The following CRB3 variants were observed in gnomAD, a reference collection of about 807,000 sequenced individuals.
The protein encoded by CRB3 is protein crumbs homolog 3.
Under a neutral mutation model 10.4 loss-of-function variants are expected in CRB3, and 4 were observed. The observed-to-expected ratio is 0.39, with a 90% CI of 0.19 to 0.88. The LOEUF is 0.88. Ranked by LOEUF, CRB3 falls within the 40% of genes least tolerant of loss-of-function variation. The pLI is 0.39. For synonymous variants in CRB3, 74 were observed against 73.4 expected (o/e 1.01, Z -0.04); for missense variants, 154 against 160.2 (o/e 0.96, Z 0.21).
chr19:6,467,090 G>T lies in CRB3; in HGVS notation c.*418G>T. ...TTGGGGAAAGGCAGTGCCCTCTCTG[G>T]GCAGTCAGATCCACCCAGTGCTTAA... On this transcript the variant is annotated 3_prime_UTR_variant, in exon 4 of 4. Transcript: ENST00000600229. The T allele has an allele frequency of 6.9e-7, 1 of 1,442,100 alleles. No homozygotes were observed. The highest frequency in any genetic ancestry group is 1.4e-5 in the African/African-American group (1 of 71,514). The allele number at this position is 1,442,100 out of a possible 1,614,324, so 89.3% of individuals were successfully genotyped here.
chr19:6,465,661 A>G, intron 3 of CRB3, 43 bp downstream of exon 3: 1 of 1,490,354 alleles, frequency 6.7e-7, no homozygotes, highest in Non-Finnish European at 9.4e-7. Flanking sequence ...CAAGGATGTT[A>G]TCTAGGGGTC....
intron 3 of CRB3, 129 bp downstream of exon 3, chr19:6,465,747 C>G: frequency 1.3e-6 from 1 of 798,852 alleles, no homozygotes; most frequent in East Asian, 2.4e-5. Flanking sequence ...TTGGAGAGCT[C>G]TAAGTAGGAG....
chr19:6,466,716 G>C lies in CRB3; in HGVS notation c.*44G>C. On this transcript the variant is annotated 3_prime_UTR_variant, in exon 4 of 4. Transcript: ENST00000600229. This position sits in a 1 kb window ranked among gnomAD's most constrained non-coding sequence, Gnocchi z 4.9. ...GCCACCAACACTGCCCAGGACTGCG[G>C]GTTGCTGGCTTGTACACCGCAGCTG... The C allele has an allele frequency of 6.3e-7, 1 of 1,583,460 alleles. No individual in the cohort carries two copies. The highest frequency in any genetic ancestry group is 8.5e-7 in the Non-Finnish European group (1 of 1,172,056).
In CRB3 at chr19:6,464,633, C is replaced by G; in HGVS notation, c.-69C>G. 1.0e-6 allele frequency: 1 copy of G among 999,208 alleles called. No homozygotes were observed. Among genetic ancestry groups the G allele is most frequent in the African/African-American group, 1.7e-5 (1 of 60,062 alleles). 61.9% of individuals were successfully genotyped at this position (999,208 alleles called of 1,614,324 possible). ...GTGCCCCGTCGCAGGTGCCCCTGGCCGGAGATGCGGTAGGAGGGGCGAGCG... is the reference window on the plus strand; with the variant it reads ...GTGCCCCGTCGCAGGTGCCCCTGGCGGGAGATGCGGTAGGAGGGGCGAGCG... On this transcript the variant is annotated 5_prime_UTR_variant, in exon 2 of 4. Transcript: ENST00000600229. This position sits in a 1 kb window ranked among gnomAD's most constrained non-coding sequence, Gnocchi z 5.3.
Position 6,464,649 on chromosome 19 carries a change from G to A in CRB3, c.-53G>A, listed in dbSNP as rs931480818. On this transcript the variant is annotated 5_prime_UTR_variant, in exon 2 of 4. Transcript: ENST00000600229. The surrounding 1 kb of genome is among the most constrained non-coding windows in gnomAD (Gnocchi z 5.3). ...GCCCCTGGCCGGAGATGCGGTAGGA[G>A]GGGCGAGCGCGAGAAGCCCCTTCCT... 9.9e-6 allele frequency: 11 copies of A among 1,114,742 alleles called. No individual in the cohort carries two copies. The highest frequency in any genetic ancestry group is 1.1e-5 in the Non-Finnish European group (10 of 881,168). The allele number at this position is 1,114,742 out of a possible 1,614,324, so 69.1% of individuals were successfully genotyped here. A position where few individuals can be genotyped will look rare whatever the true frequency, so the allele number is the denominator to read the frequency against.
chr19:6,463,939 G>C (rs2092783299), upstream of CRB3: 1 of 152,136 alleles, frequency 6.6e-6, no homozygotes, highest in African/African-American at 2.4e-5. Context: ...CTCATTAAGC[G>C]CTCCCCATCC....
In CRB3 at chr19:6,466,279, C is replaced by T. The variant is rs987185624; in HGVS notation, c.157-187C>T. ...GACATGGCAGGTGGTGGGGAGCCTTCGCACCCCAGACAAGGTAGGTAGGGA... is the reference window on the plus strand; with the variant it reads ...GACATGGCAGGTGGTGGGGAGCCTTTGCACCCCAGACAAGGTAGGTAGGGA... On this transcript the variant is annotated intron_variant, in intron 3 of 3. Coordinates refer to ENST00000600229, the MANE Select transcript of CRB3 (RefSeq NM_139161.5). The surrounding 1 kb of genome is among the most constrained non-coding windows in gnomAD (Gnocchi z 4.9). 8.6e-5 allele frequency among the ~76,000 whole-genome samples: 13 copies of T among 151,396 alleles called. No homozygotes were observed. The highest frequency in any genetic ancestry group is 1.9e-4 in the African/African-American group (8 of 41,204).
chr19:6,464,508 G>T lies in CRB3; in HGVS notation c.-94-100G>T. On this transcript the variant is annotated intron_variant, in intron 1 of 3. Coordinates refer to ENST00000600229, the MANE Select transcript of CRB3 (RefSeq NM_139161.5). This position sits in a 1 kb window ranked among gnomAD's most constrained non-coding sequence, Gnocchi z 5.3. Reference sequence around the variant, plus strand: ...ACCTCTGGCGGCTGGGGCGGGGCGGGACTCATGGGTGCCCTGGCGCCAGTT... The same window carrying T: ...ACCTCTGGCGGCTGGGGCGGGGCGGTACTCATGGGTGCCCTGGCGCCAGTT... The T allele has an allele frequency of 2.5e-6, 1 of 395,286 alleles. No individual in the cohort carries two copies. Among genetic ancestry groups the T allele is most frequent in the Non-Finnish European group, 4.5e-6 (1 of 224,644 alleles). The allele number at this position is 395,286 out of a possible 1,614,324, so 24.5% of individuals were successfully genotyped here.
rs368299907 is a variant in CRB3, at chr19:6,466,438, G to A, written c.157-28G>A. 2.6e-5 allele frequency: 41 copies of A among 1,606,718 alleles called. No homozygotes were observed. In the African/African-American group the frequency reaches 4.4e-4, roughly 17 times the overall value. ...AGGTGGACAGGCTACCCAGGCTCAG[G>A]TGATTCACACCTGTCCCCTCTCTGC... On this transcript the variant is annotated intron_variant, in intron 3 of 3. Coordinates refer to ENST00000600229, the MANE Select transcript of CRB3 (RefSeq NM_139161.5). This position sits in a 1 kb window ranked among gnomAD's most constrained non-coding sequence, Gnocchi z 4.9.
upstream of CRB3, chr19:6,464,240 G>A (rs1019305986): frequency 1.3e-5 from 2 of 154,586 alleles, no homozygotes; most frequent in Non-Finnish European, 1.4e-5. This position sits in a 1 kb window ranked among gnomAD's most constrained non-coding sequence, Gnocchi z 5.3. Context: ...TCCGGGTCAC[G>A]TGACAGGGCG....
At position 6,464,813 on chromosome 19, in the gene CRB3, AG is replaced by A; in HGVS notation, c.82+34del. On this transcript the variant is annotated intron_variant, in intron 2 of 3. Coordinates refer to ENST00000600229, the MANE Select transcript of CRB3 (RefSeq NM_139161.5). The surrounding 1 kb of genome is among the most constrained non-coding windows in gnomAD (Gnocchi z 5.3). ...GTACCAGCTGAGAGCGCTGGGGGGG[AG>A]GGGTCTGGATTCCTGGATCTCTGCT... The A allele has an allele frequency of 1.7e-6, 2 of 1,200,672 alleles. No individual in the cohort carries two copies. Among genetic ancestry groups the A allele is most frequent in the Middle Eastern group, 2.1e-4 (1 of 4,738 alleles). The allele number at this position is 1,200,672 out of a possible 1,614,324, so 74.4% of individuals were successfully genotyped here.
Position 6,464,842 on chromosome 19 carries a change from G to C in CRB3, c.82+59G>C, listed in dbSNP as rs2092786838. 2 of 1,076,320 alleles carry C rather than the reference G, an allele frequency of 1.9e-6. No homozygotes were observed. The highest frequency in any genetic ancestry group is 1.6e-5 in the African/African-American group (1 of 61,556). 66.7% of individuals were successfully genotyped at this position (1,076,320 alleles called of 1,614,324 possible). ...GTCTGGATTCCTGGATCTCTGCTGG[G>C]GACGTGGCTTAGAAGCGCTGGGTAT... On this transcript the variant is annotated intron_variant, in intron 2 of 3. Transcript: ENST00000600229. This position sits in a 1 kb window ranked among gnomAD's most constrained non-coding sequence, Gnocchi z 5.3.
rs1599372054 is a variant in CRB3 at position 6,466,817 on chromosome 19, G to A, written c.*145G>A. The stretch of plus-strand genomic sequence containing the variant: ...TGGGGGCACCCATGTGGTGGGCTCT[G>A]TGCAGCATGTTGCCTCTGCTTGGCT... On this transcript the variant is annotated 3_prime_UTR_variant, in exon 4 of 4. Coordinates refer to ENST00000600229, the MANE Select transcript of CRB3 (RefSeq NM_139161.5). This position sits in a 1 kb window ranked among gnomAD's most constrained non-coding sequence, Gnocchi z 4.9. The A allele has an allele frequency of 1.9e-6, 3 of 1,557,164 alleles. No individual in the cohort carries two copies. The highest frequency in any genetic ancestry group is 4.5e-5 in the East Asian group (2 of 44,386).
Position 6,464,859 on chromosome 19 carries a change from G to T in CRB3, c.82+76G>T. 1.1e-6 allele frequency: 1 copy of T among 879,396 alleles called. No homozygotes were observed. Among genetic ancestry groups the T allele is most frequent in the Middle Eastern group, 2.4e-4 (1 of 4,118 alleles). The allele number at this position is 879,396 out of a possible 1,614,324, so 54.5% of individuals were successfully genotyped here. A position where few individuals can be genotyped will look rare whatever the true frequency, so the allele number is the denominator to read the frequency against. On this transcript the variant is annotated intron_variant, in intron 2 of 3. Transcript: ENST00000600229. This position sits in a 1 kb window ranked among gnomAD's most constrained non-coding sequence, Gnocchi z 5.3. ...TCTGCTGGGGACGTGGCTTAGAAGCGCTGGGTATCTGGGGCGCAGAGAGGG... is the reference window on the plus strand; with the variant it reads ...TCTGCTGGGGACGTGGCTTAGAAGCTCTGGGTATCTGGGGCGCAGAGAGGG...
At position 6,464,591 on chromosome 19, in the gene CRB3, C is replaced by T; in HGVS notation, c.-94-17C>T. 1.6e-6 allele frequency: 1 copy of T among 615,936 alleles called. No individual in the cohort carries two copies. The highest frequency in any genetic ancestry group is 2.3e-6 in the Non-Finnish European group (1 of 425,856). 38.2% of individuals were successfully genotyped at this position (615,936 alleles called of 1,614,324 possible). A position where few individuals can be genotyped will look rare whatever the true frequency, so the allele number is the denominator to read the frequency against. On this transcript the variant is annotated splice_polypyrimidine_tract_variant and intron_variant, in intron 1 of 3. Coordinates refer to ENST00000600229, the MANE Select transcript of CRB3 (RefSeq NM_139161.5). The surrounding 1 kb of genome is among the most constrained non-coding windows in gnomAD (Gnocchi z 5.3). The stretch of plus-strand genomic sequence containing the variant: ...CCCCGATCCCAACGCCTGGGCCTCT[C>T]CTTCTCCTGTCCCCAGGTGCCCCGT...
Position 6,466,623 on chromosome 19 carries a change from T to A in CRB3, c.314T>A (p.Val105Glu), listed in dbSNP as rs771368345. ...AGCGAGGAGCAGGTGGGTGCCCGCGTGCCACCGACCCCCAACCTCAAGTTG... is the reference window on the plus strand; with the variant it reads ...AGCGAGGAGCAGGTGGGTGCCCGCGAGCCACCGACCCCCAACCTCAAGTTG... Reference protein sequence around the residue: ...PSSEEQVGARVPPTPNLKLPP... With the variant: ...PSSEEQVGAREPPTPNLKLPP... Residue 105 changes from valine (V) to glutamate (E), a missense_variant, in exon 4 of 4, where the codon GTG becomes GAG. Val to Glu is a moderately radical substitution (Grantham distance 121, BLOSUM62 -2). Transcript: ENST00000600229. The surrounding 1 kb of genome is among the most constrained non-coding windows in gnomAD (Gnocchi z 4.9). 5 of 1,604,324 alleles carry A rather than the reference T, an allele frequency of 3.1e-6. No homozygotes were observed. In the South Asian group the frequency reaches 5.5e-5, roughly 18 times the overall value.
In CRB3 at chr19:6,466,492, C is replaced by G; in HGVS notation, c.183C>G (p.Ile61Met). Residue 61 changes from isoleucine (I) to methionine (M), a missense_variant, in exon 4 of 4, where the codon ATC (isoleucine) becomes ATG (methionine). By Grantham distance (10) the Ile-to-Met change is conservative. Coordinates refer to ENST00000600229, the MANE Select transcript of CRB3 (RefSeq NM_139161.5). The surrounding 1 kb of genome is among the most constrained non-coding windows in gnomAD (Gnocchi z 4.9). ...NLRPEAITAI[I>M]VVFSLLAALL... The stretch of plus-strand genomic sequence containing the variant: ...GTCCAGAAGCCATCACTGCTATCAT[C>G]GTGGTCTTCTCCCTCTTGGCTGCCT... The G allele has an allele frequency of 6.2e-7, 1 of 1,613,866 alleles. No individual in the cohort carries two copies. Among genetic ancestry groups the G allele is most frequent in the Non-Finnish European group, 8.5e-7 (1 of 1,180,026 alleles).
chr19:6,466,361 G>A lies in CRB3; in HGVS notation c.157-105G>A, dbSNP rs1429946072. 7 of 896,452 alleles carry A rather than the reference G, an allele frequency of 7.8e-6. No homozygotes were observed. The highest frequency in any genetic ancestry group is 5.4e-5 in the Admixed American group (3 of 56,052). 55.5% of individuals were successfully genotyped at this position (896,452 alleles called of 1,614,324 possible). ...CCAAAAGTGGCAGATGTGTGTATGT[G>A]TGTGTGTGTGTTGTGGGGTAGGGGG... On this transcript the variant is annotated intron_variant, in intron 3 of 3. Coordinates refer to ENST00000600229, the MANE Select transcript of CRB3 (RefSeq NM_139161.5). The surrounding 1 kb of genome is among the most constrained non-coding windows in gnomAD (Gnocchi z 4.9).
At chr19:6,464,145 C>G (rs1318519062), upstream of CRB3, 1 of 146,640 alleles carries the variant, frequency 6.8e-6, no homozygotes. This position sits in a 1 kb window ranked among gnomAD's most constrained non-coding sequence, Gnocchi z 5.3. Context: ...ACAGCGCGGC[C>G]CCGCCCCCTT....
Sources: allele counts gnomAD v4.1 joint callset (sites outside exome capture counted in the v4.1 genomes callset), GRCh38; gene constraint gnomAD v4.1.1; non-coding constraint Gnocchi (gnomAD v3.1); transcripts MANE v1.5; gene names NCBI Gene and HGNC (gene_info 2026-07-23, HGNC 2026-07-21).